ZSWIM5: variants seen among roughly 807,000 people sequenced by gnomAD.
ZSWIM5 encodes zinc finger SWIM domain-containing protein 5.
Under a neutral mutation model 119.6 loss-of-function variants are expected in ZSWIM5, and 55 were observed. The ratio of observed to expected loss-of-function variants is 0.46; its 90% CI spans 0.37 to 0.58. The LOEUF is 0.58. ZSWIM5 is among the 20% of genes least tolerant of loss of function. ZSWIM5 has a pLI of 0.00. For missense variants in ZSWIM5, 1,193 were observed against 1,512.8 expected, an observed-to-expected ratio of 0.79 and a Z score of 3.51; for synonymous variants, 537 against 606.9, an observed-to-expected ratio of 0.88 and a Z score of 1.69.
intron 1 of ZSWIM5, among the ~76,000 whole-genome samples, chr1:45,160,588 T>C (rs1645857383): frequency 6.6e-6 from 1 of 152,152 alleles, no homozygotes; most frequent in Non-Finnish European, 1.5e-5. Context: ...TGCACCCATG[T>C]TGCTGCAAGT....
In ZSWIM5 at chr1:45,075,289, C is replaced by T. The variant is rs761422138; in HGVS notation, c.952+12592G>A. ...TGATTTTCTGTCTGGAAGATGTGTC[C>T]GATGCTGATAGCGGGGTGCTGAAGT... On this transcript the variant is annotated intron_variant, in intron 2 of 13. Transcript: ENST00000359600. Among the ~76,000 whole-genome samples, 64 of 150,654 alleles carry T rather than the reference C, an allele frequency of 4.2e-4. 1 individual carries two copies. The highest frequency in any genetic ancestry group is 1.3e-3 in the African/African-American group (51 of 40,056).
intron 4 of ZSWIM5, among the ~76,000 whole-genome samples, chr1:45,053,762 C>CAAAAAA (rs10675427): frequency 3.3e-5 from 3 of 92,060 alleles, no homozygotes; most frequent in South Asian, 4.5e-4. Flanking sequence ...GACTCTGTTT[C>CAAAAAA]AAAAAAAAAA....
chr1:45,020,188 T>C (rs564136582), intron 12 of ZSWIM5, 41 bp from the exon 13 acceptor site: 2 of 1,529,280 alleles, frequency 1.3e-6, no homozygotes, highest in African/African-American at 1.4e-5. Context: ...TATGCCTAAC[T>C]GTTGTGACCT....
At position 45,018,969 on chromosome 1, in the gene ZSWIM5, G is replaced by A. The variant is rs754471135; in HGVS notation, c.3043C>T (p.Arg1015Cys). The change falls in exon 14 of 14, where the codon CGT becomes TGT. Residue 1015 changes from arginine (R) to cysteine (C), a missense_variant. Physicochemically the swap from Arg to Cys is radical, Grantham distance 180. Coordinates refer to ENST00000359600, the MANE Select transcript of ZSWIM5 (RefSeq NM_020883.2). The surrounding 1 kb of genome is among the most constrained non-coding windows in gnomAD (Gnocchi z 6.7). ...RYMELRGYPL[R>C]AFKLASLAMS... The stretch of plus-strand genomic sequence containing the variant: ...GCCAATGAGGCCAGCTTGAAGGCAC[G>A]TAGCGGGTAGCCACGGAGCTCCATG... 4.3e-6 allele frequency: 7 copies of A among 1,614,236 alleles called. No homozygotes were observed. Among genetic ancestry groups the A allele is most frequent in the African/African-American group, 4.0e-5 (3 of 75,052 alleles).
At chr1:45,154,783 G>A (rs1348854366) in intron 1 of ZSWIM5, among the ~76,000 whole-genome samples, 1 of 152,170 alleles carries the variant, frequency 6.6e-6, no homozygotes, top group East Asian at 1.9e-4. Flanking sequence ...TTGGGAGGCT[G>A]AGGCAGGAGA....
intron 1 of ZSWIM5, among the ~76,000 whole-genome samples, chr1:45,156,943 T>C (rs1645830328): frequency 6.6e-6 from 1 of 152,232 alleles, no homozygotes; most frequent in Non-Finnish European, 1.5e-5. Flanking sequence ...ACAACCTCAG[T>C]TGAACTTTAC....
chr1:45,026,954 C>T (rs1286389753), intron 11 of ZSWIM5, among the ~76,000 whole-genome samples: 1 of 151,778 alleles, frequency 6.6e-6, no homozygotes, highest in Non-Finnish European at 1.5e-5. Context: ...TTGTTTTTTT[C>T]AAGAAATTGG....
In ZSWIM5 at chr1:45,206,250, C is replaced by A. The variant is rs1237299589; in HGVS notation, c.101G>T (p.Arg34Leu). ...TCCGCCGGCTGCCCCAGGCGAACCGCGAGGGTGATGAGCCTGCGGGCTGGG... is the reference window on the plus strand; with the variant it reads ...TCCGCCGGCTGCCCCAGGCGAACCGAGAGGGTGATGAGCCTGCGGGCTGGG... ...SWPSPQAHHP[R>L]GSPGAAGGGA... Residue 34 changes from arginine to leucine, a missense_variant, in exon 1 of 14, where the codon CGC becomes CTC. Around this residue, in one of 2 missense-constraint regions of ZSWIM5, gnomAD observed 232 missense variants for 222.9 expected, o/e 1.04. Coordinates refer to ENST00000359600, the MANE Select transcript of ZSWIM5 (RefSeq NM_020883.2). 5.0e-6 allele frequency: 8 copies of A among 1,585,072 alleles called. No homozygotes were observed. The East Asian group carries it at 1.8e-4, about 36-fold the overall frequency.
chr1:45,052,038 C>A (rs1356904825), intron 4 of ZSWIM5, among the ~76,000 whole-genome samples: 2 of 149,306 alleles, frequency 1.3e-5, no homozygotes, highest in African/African-American at 4.9e-5. Flanking sequence ...TCGCTCTTGC[C>A]CCCCAAGCTG....
chr1:45,032,165 T>C (rs1312606290), intron 11 of ZSWIM5, among the ~76,000 whole-genome samples: 1 of 152,216 alleles, frequency 6.6e-6, no homozygotes, highest in Non-Finnish European at 1.5e-5. Context: ...TCTTGCTCTG[T>C]CACCCAGGTT....
chr1:45,145,131 G>A (rs1476188587), intron 1 of ZSWIM5, among the ~76,000 whole-genome samples: 1 of 152,026 alleles, frequency 6.6e-6, no homozygotes, highest in Admixed American at 6.6e-5. Flanking sequence ...ACATACCAGT[G>A]AAAATGAGTA....
At chr1:45,135,791 T>C (rs1209069862) in intron 1 of ZSWIM5, among the ~76,000 whole-genome samples, 1 of 152,122 alleles carries the variant, frequency 6.6e-6, no homozygotes, top group Non-Finnish European at 1.5e-5. Flanking sequence ...TTCACCTACT[T>C]CCTAATGGTA....
At chr1:45,099,465 G>A (rs941334550) in intron 1 of ZSWIM5, among the ~76,000 whole-genome samples, 2 of 152,114 alleles carry the variant, frequency 1.3e-5, no homozygotes, top group African/African-American at 4.8e-5. Flanking sequence ...AACTCTACCA[G>A]AGGTACAAAG....
intron 2 of ZSWIM5, among the ~76,000 whole-genome samples, chr1:45,068,099 TTTTTTTTC>T (rs1247005242): frequency 3.9e-5 from 2 of 50,634 alleles, no homozygotes; most frequent in African/African-American, 1.4e-4. Context: ...TTCTTTTTTT[TTTTTTTTC>T]TTTTTTTTTT....
chr1:45,055,731 G>A (rs1645117791), intron 4 of ZSWIM5, among the ~76,000 whole-genome samples: 1 of 152,212 alleles, frequency 6.6e-6, no homozygotes, highest in South Asian at 2.1e-4. Context: ...ATTTAGAAGG[G>A]TTGAGGAAAG....
At chr1:45,048,598 G>C (rs887426789) in intron 5 of ZSWIM5, among the ~76,000 whole-genome samples, 33 of 152,078 alleles carry the variant, frequency 2.2e-4, no homozygotes, top group African/African-American at 8.0e-4. Flanking sequence ...TATTGAAACT[G>C]GGATACTAAA....
chr1:45,023,289 C>G (rs1644899157), intron 11 of ZSWIM5, among the ~76,000 whole-genome samples: 1 of 151,870 alleles, frequency 6.6e-6, no homozygotes, highest in Admixed American at 6.6e-5. Flanking sequence ...TTTTTACTGT[C>G]TTCATAGTTT....
Position 45,157,587 on chromosome 1 carries a change from A to C in ZSWIM5, c.595+48169T>G, listed in dbSNP as rs1347639449. ...TACCAGTTTGTTTAGCCATTCTCCT[A>C]TCCGTGTACAACTAGGATGTTTCTA... On this transcript the variant is annotated intron_variant, in intron 1 of 13. Transcript: ENST00000359600. Among the ~76,000 whole-genome samples the C allele has an allele frequency of 2.6e-5, 4 of 152,278 alleles. 1 individual carries two copies. In the South Asian group the frequency reaches 6.2e-4, roughly 24 times the overall value.
intron 1 of ZSWIM5, among the ~76,000 whole-genome samples, chr1:45,138,275 A>G (rs1488683209): frequency 4.6e-5 from 7 of 152,024 alleles, no homozygotes; most frequent in Admixed American, 3.9e-4. Flanking sequence ...AGGCCGAGGC[A>G]GGTGGATCAC....
Sources: gnomAD v4.1 joint callset for allele counts (sites outside exome capture counted in the v4.1 genomes callset) on GRCh38, gnomAD v4.1.1 for gene constraint, gnomAD v4.1.1 regional missense constraint, Gnocchi (gnomAD v3.1) non-coding constraint, MANE v1.5 for transcripts, NCBI Gene and HGNC (gene_info 2026-07-23, HGNC 2026-07-21) for gene names.